Variants in KRTAP5-11 observed in about 807,000 individuals in gnomAD.
KRTAP5-11 encodes the protein keratin associated protein 5-11.
For missense variants in KRTAP5-11, 202 were observed against 188.7 expected, an observed-to-expected ratio of 1.07 and a Z score of -0.41; for synonymous variants, 88 against 73.0, an observed-to-expected ratio of 1.21 and a Z score of -1.05.
chr11:71,582,125 G>A lies in KRTAP5-11; in HGVS notation c.*242C>T. On this transcript the variant is annotated 3_prime_UTR_variant, in exon 1 of 1. Coordinates refer to ENST00000398530, the MANE Select transcript of KRTAP5-11 (RefSeq NM_001005405.3). ...AGAAGATGGTCCACACCCAAGTGCA[G>A]GGAACACCATGGCGTCCAGGGAAGA... 1 of 813,532 alleles carries A rather than the reference G, an allele frequency of 1.2e-6. No homozygotes were observed. The highest frequency in any genetic ancestry group is 1.9e-6 in the Non-Finnish European group (1 of 524,476). 50.4% of individuals were successfully genotyped at this position (813,532 alleles called of 1,614,324 possible).
In KRTAP5-11 at chr11:71,582,269, A is replaced by G; in HGVS notation, c.*98T>C. The G allele has an allele frequency of 1.3e-6, 2 of 1,589,906 alleles. No individual in the cohort carries two copies. Among genetic ancestry groups the G allele is most frequent in the Non-Finnish European group, 1.7e-6 (2 of 1,166,904 alleles). On this transcript the variant is annotated 3_prime_UTR_variant, in exon 1 of 1. Transcript: ENST00000398530. ...ATGGATGATGAGCTAGAGCAGGTGC[A>G]GGTGCCTCAGGATGATGTGTGGGAT...
In KRTAP5-11 at chr11:71,581,899, A is replaced by AC. The variant is rs1950271138; in HGVS notation, c.*467_*468insG. 1 of 186,170 alleles carries AC rather than the reference A, an allele frequency of 5.4e-6. No individual in the cohort carries two copies. Among genetic ancestry groups the AC allele is most frequent in the Admixed American group, 5.4e-5 (1 of 18,464 alleles). 11.5% of individuals were successfully genotyped at this position (186,170 alleles called of 1,614,324 possible). ...GGCTTTATTGCAAGGAAATTCATTC[A>AC]TTTTTTTTTTAAATAGATGGAGACA... On this transcript the variant is annotated 3_prime_UTR_variant, in exon 1 of 1. Coordinates refer to ENST00000398530, the MANE Select transcript of KRTAP5-11 (RefSeq NM_001005405.3).
chr11:71,582,638 C>G lies in KRTAP5-11; in HGVS notation c.200G>C (p.Cys67Ser). 1 of 1,614,070 alleles carries G rather than the reference C, an allele frequency of 6.2e-7. No individual in the cohort carries two copies. The highest frequency in any genetic ancestry group is 8.5e-7 in the Non-Finnish European group (1 of 1,180,024). ...ACCCTTGGAGCTCCCACAAGAGCCA[C>G]AGCCCCCTTTGGAGCCCCCACAGGA... ...CGSCGGSKGG[C>S]GSCGSSKGGC... Residue 67 changes from cysteine to serine, a missense_variant, in exon 1 of 1, where the codon TGT (cysteine) becomes TCT (serine). Physicochemically the swap from Cys to Ser is moderately radical, Grantham distance 112. Coordinates refer to ENST00000398530, the MANE Select transcript of KRTAP5-11 (RefSeq NM_001005405.3).
At position 71,582,330 on chromosome 11, in the gene KRTAP5-11, C is replaced by T. The variant is rs1319826603; in HGVS notation, c.*37G>A. The stretch of plus-strand genomic sequence containing the variant: ...AGAGAAACCATAAGAAATGCTTTCA[C>T]CAAAGAGGAGAAACCTGAAGGTCTG... On this transcript the variant is annotated 3_prime_UTR_variant, in exon 1 of 1. Transcript: ENST00000398530. 1 of 1,613,732 alleles carries T rather than the reference C, an allele frequency of 6.2e-7. No individual in the cohort carries two copies. Among genetic ancestry groups the T allele is most frequent in the African/African-American group, 1.3e-5 (1 of 75,006 alleles).
Position 71,581,855 on chromosome 11 carries a change from T to G in KRTAP5-11, c.*512A>C. On this transcript the variant is annotated 3_prime_UTR_variant, in exon 1 of 1. Coordinates refer to ENST00000398530, the MANE Select transcript of KRTAP5-11 (RefSeq NM_001005405.3). Reference sequence around the variant, plus strand: ...AGACAGAATTGCACCAAGTGTACAGTTGGTTTACAGACATGAGAGGCTTTA... The same window carrying G: ...AGACAGAATTGCACCAAGTGTACAGGTGGTTTACAGACATGAGAGGCTTTA... 5.7e-6 allele frequency: 1 copy of G among 176,744 alleles called. No individual in the cohort carries two copies. The highest frequency in any genetic ancestry group is 1.2e-5 in the Non-Finnish European group (1 of 81,862). 10.9% of individuals were successfully genotyped at this position (176,744 alleles called of 1,614,324 possible).
chr11:71,582,206 G>A lies in KRTAP5-11; in HGVS notation c.*161C>T. The stretch of plus-strand genomic sequence containing the variant: ...CCGGAGTGAGGAAGCTGAAGGCAGG[G>A]CCTAGAGGAGAGCCGAGCCATGGAA... On this transcript the variant is annotated 3_prime_UTR_variant, in exon 1 of 1. Coordinates refer to ENST00000398530, the MANE Select transcript of KRTAP5-11 (RefSeq NM_001005405.3). 6.8e-7 allele frequency: 1 copy of A among 1,466,112 alleles called. No homozygotes were observed. Among genetic ancestry groups the A allele is most frequent in the Non-Finnish European group, 9.3e-7 (1 of 1,079,066 alleles). 90.8% of individuals were successfully genotyped at this position (1,466,112 alleles called of 1,614,324 possible).
chr11:71,582,280 G>A lies in KRTAP5-11; in HGVS notation c.*87C>T. ...GCTAGAGCAGGTGCAGGTGCCTCAGGATGATGTGTGGGATGAACTGATTCA... is the reference window on the plus strand; with the variant it reads ...GCTAGAGCAGGTGCAGGTGCCTCAGAATGATGTGTGGGATGAACTGATTCA... On this transcript the variant is annotated 3_prime_UTR_variant, in exon 1 of 1. Coordinates refer to ENST00000398530, the MANE Select transcript of KRTAP5-11 (RefSeq NM_001005405.3). The A allele has an allele frequency of 6.3e-7, 1 of 1,598,040 alleles. No homozygotes were observed. Among genetic ancestry groups the A allele is most frequent in the East Asian group, 2.2e-5 (1 of 44,720 alleles).
chr11:71,582,243 C>CATGG lies in KRTAP5-11; in HGVS notation c.*120_*123dup. 1.3e-6 allele frequency: 2 copies of CATGG among 1,567,982 alleles called. No homozygotes were observed. Among genetic ancestry groups the CATGG allele is most frequent in the South Asian group, 1.2e-5 (1 of 82,376 alleles). ...GCCGAGCCATGGAAAGAGGTGCATG[C>CATGG]ATGGATGATGAGCTAGAGCAGGTGC... On this transcript the variant is annotated 3_prime_UTR_variant, in exon 1 of 1. Transcript: ENST00000398530.
rs1950271855 is a variant in KRTAP5-11 at position 71,582,024 on chromosome 11, T to C, written c.*343A>G. The C allele has an allele frequency of 7.3e-6, 3 of 408,746 alleles. No individual in the cohort carries two copies. In the South Asian group the frequency reaches 8.9e-5, roughly 12 times the overall value. The allele number at this position is 408,746 out of a possible 1,614,324, so 25.3% of individuals were successfully genotyped here. On this transcript the variant is annotated 3_prime_UTR_variant, in exon 1 of 1. Transcript: ENST00000398530. The stretch of plus-strand genomic sequence containing the variant: ...TCCCAGTGGTGGTTGAGAAACTGGT[T>C]CTTAGTGATCACTCAGGAATGTCGG...
chr11:71,582,622 G>T lies in KRTAP5-11; in HGVS notation c.216C>A (p.Ser72Arg). ...GSKGGCGSCG[S>R]SKGGCGSCGC... ...CACAAGAACCACACCCACCCTTGGAGCTCCCACAAGAGCCACAGCCCCCTT... is the reference window on the plus strand; with the variant it reads ...CACAAGAACCACACCCACCCTTGGATCTCCCACAAGAGCCACAGCCCCCTT... Residue 72 changes from serine to arginine, a missense_variant, in exon 1 of 1, where the codon AGC becomes AGA. By Grantham distance (110) the Ser-to-Arg change is moderately radical. Coordinates refer to ENST00000398530, the MANE Select transcript of KRTAP5-11 (RefSeq NM_001005405.3). The T allele has an allele frequency of 6.2e-7, 1 of 1,614,016 alleles. No homozygotes were observed. Among genetic ancestry groups the T allele is most frequent in the Non-Finnish European group, 8.5e-7 (1 of 1,180,002 alleles).
Position 71,582,237 on chromosome 11 carries a change from T to G in KRTAP5-11, c.*130A>C. ...AGGAGAGCCGAGCCATGGAAAGAGG[T>G]GCATGCATGGATGATGAGCTAGAGC... On this transcript the variant is annotated 3_prime_UTR_variant, in exon 1 of 1. Coordinates refer to ENST00000398530, the MANE Select transcript of KRTAP5-11 (RefSeq NM_001005405.3). 6.4e-7 allele frequency: 1 copy of G among 1,557,010 alleles called. No homozygotes were observed. The highest frequency in any genetic ancestry group is 8.7e-7 in the Non-Finnish European group (1 of 1,148,244).
Position 71,582,869 on chromosome 11 carries a change from A to G in KRTAP5-11, c.-32T>C. On this transcript the variant is annotated 5_prime_UTR_variant, in exon 1 of 1. Coordinates refer to ENST00000398530, the MANE Select transcript of KRTAP5-11 (RefSeq NM_001005405.3). ...GGCGGATTGAGAGTAGAGCAGGTAG[A>G]GGAGCAGGTGAGAGGGAGGTGCAGG... 1 of 1,613,790 alleles carries G rather than the reference A, an allele frequency of 6.2e-7. No individual in the cohort carries two copies. The highest frequency in any genetic ancestry group is 8.5e-7 in the Non-Finnish European group (1 of 1,179,924).
rs377600791 is a variant in KRTAP5-11 at position 71,582,221 on chromosome 11, G to A, written c.*146C>T. 7.5e-5 allele frequency: 115 copies of A among 1,523,676 alleles called. 1 individual carries two copies. In the African/African-American group the frequency reaches 1.2e-3, roughly 15 times the overall value. 94.4% of individuals were successfully genotyped at this position (1,523,676 alleles called of 1,614,324 possible). A position where few individuals can be genotyped will look rare whatever the true frequency, so the allele number is the denominator to read the frequency against. ...TGAAGGCAGGGCCTAGAGGAGAGCCGAGCCATGGAAAGAGGTGCATGCATG... is the reference window on the plus strand; with the variant it reads ...TGAAGGCAGGGCCTAGAGGAGAGCCAAGCCATGGAAAGAGGTGCATGCATG... On this transcript the variant is annotated 3_prime_UTR_variant, in exon 1 of 1. Coordinates refer to ENST00000398530, the MANE Select transcript of KRTAP5-11 (RefSeq NM_001005405.3).
In KRTAP5-11 at chr11:71,582,716, C is replaced by T; in HGVS notation, c.122G>A (p.Cys41Tyr). Residue 41 changes from cysteine (C) to tyrosine (Y), a missense_variant, in exon 1 of 1, where the codon TGC (cysteine) becomes TAC (tyrosine). By Grantham distance (194) the Cys-to-Tyr change is radical. Transcript: ENST00000398530. ...CGSSCCVPIC[C>Y]CKPVCCCVPA... is the part of the protein sequence containing the mutation. ...CACACAGCAGCACACAGGCTTGCAG[C>T]AGCAAATGGGCACACAGCAGCTGGA... The T allele has an allele frequency of 6.2e-7, 1 of 1,612,568 alleles. No homozygotes were observed. Among genetic ancestry groups the T allele is most frequent in the Non-Finnish European group, 8.5e-7 (1 of 1,179,742 alleles).
rs1950273376 is a variant in KRTAP5-11 at position 71,582,312 on chromosome 11, C to T, written c.*55G>A. Reference sequence around the variant, plus strand: ...TGTGGGATGAACTGATTCAGAGAAACCATAAGAAATGCTTTCACCAAAGAG... The same window carrying T: ...TGTGGGATGAACTGATTCAGAGAAATCATAAGAAATGCTTTCACCAAAGAG... On this transcript the variant is annotated 3_prime_UTR_variant, in exon 1 of 1. Coordinates refer to ENST00000398530, the MANE Select transcript of KRTAP5-11 (RefSeq NM_001005405.3). 2 of 1,612,086 alleles carry T rather than the reference C, an allele frequency of 1.2e-6. No individual in the cohort carries two copies. The highest frequency in any genetic ancestry group is 1.3e-5 in the African/African-American group (1 of 74,942).
At position 71,582,211 on chromosome 11, in the gene KRTAP5-11, G is replaced by C. The variant is rs1950272849; in HGVS notation, c.*156C>G. Reference sequence around the variant, plus strand: ...GTGAGGAAGCTGAAGGCAGGGCCTAGAGGAGAGCCGAGCCATGGAAAGAGG... The same window carrying C: ...GTGAGGAAGCTGAAGGCAGGGCCTACAGGAGAGCCGAGCCATGGAAAGAGG... On this transcript the variant is annotated 3_prime_UTR_variant, in exon 1 of 1. Transcript: ENST00000398530. 3.3e-6 allele frequency: 5 copies of C among 1,492,998 alleles called. No homozygotes were observed. The South Asian group carries it at 6.5e-5, about 19-fold the overall frequency. 92.5% of individuals were successfully genotyped at this position (1,492,998 alleles called of 1,614,324 possible). A position where few individuals can be genotyped will look rare whatever the true frequency, so the allele number is the denominator to read the frequency against.
Position 71,582,158 on chromosome 11 carries a change from C to T in KRTAP5-11, c.*209G>A, listed in dbSNP as rs373348801. 61 of 1,077,930 alleles carry T rather than the reference C, an allele frequency of 5.7e-5. No homozygotes were observed. The African/African-American group carries it at 9.1e-4, about 16-fold the overall frequency. The allele number at this position is 1,077,930 out of a possible 1,614,324, so 66.8% of individuals were successfully genotyped here. A position where few individuals can be genotyped will look rare whatever the true frequency, so the allele number is the denominator to read the frequency against. On this transcript the variant is annotated 3_prime_UTR_variant, in exon 1 of 1. Coordinates refer to ENST00000398530, the MANE Select transcript of KRTAP5-11 (RefSeq NM_001005405.3). ...CATGGCGTCCAGGGAAGAACACCTC[C>T]TGCATCAAGGAAACACATGTTTCCG...
chr11:71,582,763 G>A lies in KRTAP5-11; in HGVS notation c.75C>T (p.Gly25=). ...GGCGSGSGGC[G]SGCGGCGSSC... ...TGGAGCCACAGCCCCCACAGCCAGA[G>A]CCACAGCCCCCACTGCCGGAGCCAC... Residue 25 remains glycine (G), a synonymous_variant, in exon 1 of 1, where the codon GGC becomes GGT. Coordinates refer to ENST00000398530, the MANE Select transcript of KRTAP5-11 (RefSeq NM_001005405.3). 6.5e-7 allele frequency: 1 copy of A among 1,529,860 alleles called. No individual in the cohort carries two copies. Among genetic ancestry groups the A allele is most frequent in the Non-Finnish European group, 8.8e-7 (1 of 1,136,474 alleles). The allele number at this position is 1,529,860 out of a possible 1,614,324, so 94.8% of individuals were successfully genotyped here. A position where few individuals can be genotyped will look rare whatever the true frequency, so the allele number is the denominator to read the frequency against.
rs1950276630 is a variant in KRTAP5-11, at chr11:71,582,711, T to C, written c.127A>G (p.Lys43Glu). The change falls in exon 1 of 1, where the codon AAG (lysine) becomes GAG (glutamate). Residue 43 changes from lysine (K) to glutamate (E), a missense_variant. Lys to Glu is a moderately conservative substitution (Grantham distance 56). Coordinates refer to ENST00000398530, the MANE Select transcript of KRTAP5-11 (RefSeq NM_001005405.3). ...SSCCVPICCC[K>E]PVCCCVPACS... is the part of the protein sequence containing the mutation. ...GCTGGCACACAGCAGCACACAGGCTTGCAGCAGCAAATGGGCACACAGCAG... is the reference window on the plus strand; with the variant it reads ...GCTGGCACACAGCAGCACACAGGCTCGCAGCAGCAAATGGGCACACAGCAG... 1 of 1,611,728 alleles carries C rather than the reference T, an allele frequency of 6.2e-7. No individual in the cohort carries two copies. Among genetic ancestry groups the C allele is most frequent in the Non-Finnish European group, 8.5e-7 (1 of 1,179,610 alleles).
Sources: gnomAD v4.1 joint callset for allele counts on GRCh38, gnomAD v4.1.1 for gene constraint, MANE v1.5 for transcripts, NCBI Gene and HGNC (gene_info 2026-07-23, HGNC 2026-07-21) for gene names.